Variants in KLB observed in about 807,000 individuals in gnomAD.
KLB encodes the protein beta-klotho.
KLB carries 44 observed loss-of-function variants against 88.4 expected under a neutral mutation model. That is an observed-to-expected ratio of 0.50 (90% CI 0.39 to 0.64). KLB has a LOEUF of 0.64. Ranked by LOEUF, KLB falls within the 30% of genes least tolerant of loss-of-function variation. The pLI, the probability that KLB is intolerant of heterozygous loss-of-function variation, is 0.00. For missense variants in KLB, 1,137 were observed against 1,304.8 expected (o/e 0.87, Z 1.98); for synonymous variants, 548 against 513.4 (o/e 1.07, Z -0.91).
At chr4:39,448,186 A>C in intron 4 of KLB, 115 bp from the exon 5 acceptor site, 1 of 721,056 alleles carries the variant, frequency 1.4e-6, no homozygotes, top group East Asian at 2.8e-5. Context: ...CTCTAATAAA[A>C]ATCACTACCT....
chr4:39,432,583 A>G (rs1357005290), intron 1 of KLB, among the ~76,000 whole-genome samples: 2 of 151,994 alleles, frequency 1.3e-5, no homozygotes, highest in African/African-American at 4.8e-5. Context: ...CACATGCTGC[A>G]TCCTTATTTT....
intron 1 of KLB, among the ~76,000 whole-genome samples, chr4:39,433,860 A>G (rs1743414424): frequency 6.6e-6 from 1 of 152,210 alleles, no homozygotes; most frequent in South Asian, 2.1e-4. Flanking sequence ...ACTCTGTCTC[A>G]AAATAAAATA....
At chr4:39,421,372 C>T (rs1204091352) in intron 1 of KLB, among the ~76,000 whole-genome samples, 1 of 152,108 alleles carries the variant, frequency 6.6e-6, no homozygotes, top group Non-Finnish European at 1.5e-5. Context: ...CAGGATGAAA[C>T]GTAAGGTAAT....
chr4:39,424,621 T>C (rs1578205518), intron 1 of KLB, among the ~76,000 whole-genome samples: 1 of 151,444 alleles, frequency 6.6e-6, no homozygotes, highest in South Asian at 2.1e-4. Context: ...GTAATCTCCA[T>C]GGTGGTTTCT....
chr4:39,411,337 A>ATTT lies in KLB; in HGVS notation c.825+3581_825+3583dup, dbSNP rs35160893. Among the ~76,000 whole-genome samples, 88 of 103,258 alleles carry ATTT rather than the reference A, an allele frequency of 8.5e-4. 1 individual carries two copies. Among genetic ancestry groups the ATTT allele is most frequent in the African/African-American group, 1.2e-3 (29 of 23,462 alleles). The allele number at this position is 103,258 out of a possible 152,430, so 67.7% of individuals were successfully genotyped here. A position where few individuals can be genotyped will look rare whatever the true frequency, so the allele number is the denominator to read the frequency against. On this transcript the variant is annotated intron_variant, in intron 1 of 4. Coordinates refer to ENST00000257408, the MANE Select transcript of KLB (RefSeq NM_175737.4). ...TTTTGTTTTGTTTTGTTTTGTTTTG[A>ATTT]TTTTTTTTTTTTTTTTTTTTGAGAC...
At chr4:39,409,802 T>C (rs1742801215) in intron 1 of KLB, among the ~76,000 whole-genome samples, 3 of 151,748 alleles carry the variant, frequency 2.0e-5, no homozygotes, top group African/African-American at 4.8e-5. Context: ...CACGTGCCTA[T>C]AGTCCCAGTT....
rs1402112187 is a variant in KLB at position 39,447,113 on chromosome 4, G to T, written c.2387G>T (p.Arg796Leu). ...GAATACATTGCCTCCAAGCACCGAC[G>T]GGGGCTTTCCAGCTCGGCCCTGCCG... is the stretch of plus-strand genomic sequence containing the variant. ...MREYIASKHR[R>L]GLSSSALPRL... Residue 796 changes from arginine to leucine, a missense_variant, in exon 4 of 5, where the codon CGG becomes CTG. Transcript: ENST00000257408. 2 of 1,613,304 alleles carry T rather than the reference G, an allele frequency of 1.2e-6. No homozygotes were observed. The highest frequency in any genetic ancestry group is 2.2e-5 in the East Asian group (1 of 44,892).
intron 2 of KLB, among the ~76,000 whole-genome samples, chr4:39,435,459 C>T (rs1743454129): frequency 6.7e-6 from 1 of 150,330 alleles, no homozygotes; most frequent in Non-Finnish European, 1.5e-5. Flanking sequence ...GAGTTTCACT[C>T]TTGTTTCCCA....
In KLB at chr4:39,448,636, A is replaced by G; in HGVS notation, c.3085A>G (p.Lys1029Glu). Reference protein sequence around the residue: ...RQKRRKFWKAKNLQHIPLKKG... With the variant: ...RQKRRKFWKAENLQHIPLKKG... ...GAAGAGAAGAAAGTTTTGGAAAGCAAAAAACTTACAACACATACCATTAAA... is the reference window on the plus strand; with the variant it reads ...GAAGAGAAGAAAGTTTTGGAAAGCAGAAAACTTACAACACATACCATTAAA... Residue 1029 changes from lysine to glutamate, a missense_variant, in exon 5 of 5, where the codon AAA becomes GAA. By Grantham distance (56) the Lys-to-Glu change is moderately conservative (BLOSUM62 1). Coordinates refer to ENST00000257408, the MANE Select transcript of KLB (RefSeq NM_175737.4). 6.2e-7 allele frequency: 1 copy of G among 1,613,598 alleles called. No individual in the cohort carries two copies. Among genetic ancestry groups the G allele is most frequent in the Non-Finnish European group, 8.5e-7 (1 of 1,179,998 alleles).
rs192737648 is a variant in KLB, at chr4:39,440,744, G to A, written c.1605+2749G>A. Among the ~76,000 whole-genome samples the A allele has an allele frequency of 1.8e-4, 27 of 151,860 alleles. No individual in the cohort carries two copies. In the East Asian group the frequency reaches 4.9e-3, roughly 27 times the overall value. ...AGCTGATTTTTTGTATTTTAGTAGG[G>A]ACAGGGCTTCACCATGTTGCCCAGG... On this transcript the variant is annotated intron_variant, in intron 3 of 4. Coordinates refer to ENST00000257408, the MANE Select transcript of KLB (RefSeq NM_175737.4).
At chr4:39,424,098 C>G (rs1743145363) in intron 1 of KLB, among the ~76,000 whole-genome samples, 1 of 151,720 alleles carries the variant, frequency 6.6e-6, no homozygotes, top group South Asian at 2.1e-4. Context: ...TGAGACAGGT[C>G]TCATTCTGTC....
chr4:39,409,129 A>T (rs1742787150), intron 1 of KLB, among the ~76,000 whole-genome samples: 2 of 151,956 alleles, frequency 1.3e-5, no homozygotes, highest in South Asian at 4.1e-4. Context: ...GGTCATTTGC[A>T]TATCTTTGAC....
At chr4:39,441,061 G>A (rs11732588) in intron 3 of KLB, among the ~76,000 whole-genome samples, 2 of 151,990 alleles carry the variant, frequency 1.3e-5, no homozygotes, top group African/African-American at 4.8e-5. Flanking sequence ...TCACTATGTT[G>A]GCCAGACTGG....
At chr4:39,414,969 A>G (rs2109821433) in intron 1 of KLB, among the ~76,000 whole-genome samples, 1 of 151,906 alleles carries the variant, frequency 6.6e-6, no homozygotes, top group South Asian at 2.1e-4. Flanking sequence ...GTGTTTCACA[A>G]AGTTTGGTGG....
intron 1 of KLB, among the ~76,000 whole-genome samples, chr4:39,432,666 C>A (rs945864160): frequency 2.0e-5 from 3 of 152,080 alleles, no homozygotes; most frequent in African/African-American, 7.2e-5. Context: ...GCAAGCCAGG[C>A]ATGGAAGTAA....
intron 2 of KLB, among the ~76,000 whole-genome samples, chr4:39,437,382 G>A (rs1743494866): frequency 6.6e-6 from 1 of 152,132 alleles, no homozygotes; most frequent in South Asian, 2.1e-4. Context: ...GAAACTCTTG[G>A]TCATGAGCAC....
At chr4:39,418,944 TA>T (rs35661811) in intron 1 of KLB, among the ~76,000 whole-genome samples, 30,743 of 116,760 alleles carry the variant, frequency 0.26, 3,439 homozygotes, top group East Asian at 0.39. Context: ...ATGCCATCTC[TA>T]AAAAAAAAAA....
chr4:39,415,907 T>A (rs1742954297), intron 1 of KLB, among the ~76,000 whole-genome samples: 1 of 152,170 alleles, frequency 6.6e-6, no homozygotes, highest in South Asian at 2.1e-4. Context: ...AGGATAAAAC[T>A]GGATTTCTTT....
At chr4:39,430,411 A>AAAAAAAAAG (rs1743320437) in intron 1 of KLB, among the ~76,000 whole-genome samples, 1 of 150,518 alleles carries the variant, frequency 6.6e-6, no homozygotes, top group Non-Finnish European at 1.5e-5. Context: ...TCTAATTAGA[A>AAAAAAAAAG]AAAAAAAAAA....
Sources: gnomAD v4.1 joint callset for allele counts (sites outside exome capture counted in the v4.1 genomes callset) on GRCh38, gnomAD v4.1.1 for gene constraint, MANE v1.5 for transcripts, NCBI Gene and HGNC (gene_info 2026-07-23, HGNC 2026-07-21) for gene names.